The following PIK3CD variants were observed in gnomAD, a reference collection of about 807,000 sequenced individuals.
PIK3CD encodes phosphatidylinositol 4,5-bisphosphate 3-kinase catalytic subunit delta isoform.
A neutral mutation model predicts 122.9 loss-of-function variants in PIK3CD; 20 were observed. That is an observed-to-expected ratio of 0.16 (90% CI 0.11 to 0.24). The LOEUF is 0.24. PIK3CD is among the 10% of genes least tolerant of loss of function. The pLI, the probability that PIK3CD is intolerant of heterozygous loss-of-function variation, is 1.00. For missense variants in PIK3CD, 787 were observed against 1,406.3 expected (o/e 0.56, Z 7.04); for synonymous variants, 596 against 593.4 (o/e 1.00, Z -0.06).
At chr1:9,647,066 G>A (rs1416556725), upstream of PIK3CD, among the ~76,000 whole-genome samples, 2 of 151,806 alleles carry the variant, frequency 1.3e-5, no homozygotes, top group Middle Eastern at 3.4e-3. Flanking sequence ...AGCCGAGATC[G>A]TGTCATTGCA....
At chr1:9,660,001 C>T (rs12048752) in intron 1 of PIK3CD, among the ~76,000 whole-genome samples, 5,781 of 152,274 alleles carry the variant, frequency 0.038, 247 homozygotes, top group East Asian at 0.094. Flanking sequence ...CCACAACCTC[C>T]GCCTCCCAGG....
At chr1:9,701,648 G>T (rs529467367) in intron 2 of PIK3CD, among the ~76,000 whole-genome samples, 4 of 135,546 alleles carry the variant, frequency 3.0e-5, no homozygotes, top group Non-Finnish European at 6.1e-5. Context: ...CAGCCTGGGC[G>T]ACAGAGCAAG....
At chr1:9,640,587 G>GA in the PIK3CD span, among the ~76,000 whole-genome samples, 2,812 of 141,684 alleles carry the variant, frequency 0.02, 76 homozygotes, top group South Asian at 0.083. Context: ...CTCAAAAAAA[G>GA]AAAAAAAAAA....
At chr1:9,650,519 G>C (rs1346482262), upstream of PIK3CD, among the ~76,000 whole-genome samples, 2 of 152,160 alleles carry the variant, frequency 1.3e-5, no homozygotes, top group African/African-American at 4.8e-5. Context: ...AGCTACTTGG[G>C]AGGCTGAGGT....
At chr1:9,699,188 C>T (rs6681133) in intron 2 of PIK3CD, among the ~76,000 whole-genome samples, 4,435 of 152,022 alleles carry the variant, frequency 0.029, 208 homozygotes, top group African/African-American at 0.099. Flanking sequence ...CCAGCCAGGG[C>T]GATAGAATGA....
At chr1:9,708,356 A>G (rs1646923510) in intron 2 of PIK3CD, among the ~76,000 whole-genome samples, 1 of 151,536 alleles carries the variant, frequency 6.6e-6, no homozygotes, top group Non-Finnish European at 1.5e-5. Flanking sequence ...TAATTTTTGT[A>G]TTTTTAGTGG....
chr1:9,673,025 T>C (rs963316050), intron 1 of PIK3CD, among the ~76,000 whole-genome samples: 2 of 152,086 alleles, frequency 1.3e-5, no homozygotes, highest in Non-Finnish European at 2.9e-5. Context: ...CAAGGGCTTA[T>C]GTTTGAGTAG....
intron 15 of PIK3CD, 45 bp from the exon 16 acceptor site, chr1:9,721,716 G>A: frequency 1.2e-6 from 2 of 1,606,922 alleles, no homozygotes; most frequent in Non-Finnish European, 1.7e-6. Context: ...GGGAGGGGCT[G>A]CGTGGTGCTG....
At chr1:9,632,398 C>T in the PIK3CD span, among the ~76,000 whole-genome samples, 1 of 152,048 alleles carries the variant, frequency 6.6e-6, no homozygotes, top group South Asian at 2.1e-4. Context: ...AAGGATAATG[C>T]ACTACAGCCT....
In PIK3CD at chr1:9,691,564, C is replaced by T; in HGVS notation, c.-40C>T. 1 of 398,394 alleles carries T rather than the reference C, an allele frequency of 2.5e-6. No homozygotes were observed. Among genetic ancestry groups the T allele is most frequent in the Non-Finnish European group, 4.4e-6 (1 of 226,066 alleles). 24.7% of individuals were successfully genotyped at this position (398,394 alleles called of 1,614,324 possible). ...CTTTGCTGGTCTTTCTTGGACTATT[C>T]CAGAGAGGTAGGTTGGGGGAACGGG... On this transcript the variant is annotated 5_prime_UTR_variant, in exon 2 of 24. Coordinates refer to ENST00000377346, the MANE Select transcript of PIK3CD (RefSeq NM_005026.5).
At chr1:9,711,505 C>A (rs966615440) in intron 3 of PIK3CD, among the ~76,000 whole-genome samples, 3 of 152,104 alleles carry the variant, frequency 2.0e-5, no homozygotes, top group Admixed American at 6.6e-5. Flanking sequence ...CTCAGTTATC[C>A]AATTATTCAT....
At chr1:9,675,048 GAA>G (rs1645470484) in intron 1 of PIK3CD, among the ~76,000 whole-genome samples, 1 of 146,808 alleles carries the variant, frequency 6.8e-6, no homozygotes, top group African/African-American at 2.5e-5. Context: ...GAGAGAGAGA[GAA>G]AGAAAGAAAG....
At chr1:9,721,906 G>C (rs559023100) in intron 16 of PIK3CD, 46 bp downstream of exon 16, 2 of 1,611,954 alleles carry the variant, frequency 1.2e-6, no homozygotes, top group Non-Finnish European at 1.7e-6. Flanking sequence ...GGCCCTGAGC[G>C]TCTGGGAATC....
intron 1 of PIK3CD, among the ~76,000 whole-genome samples, chr1:9,671,426 C>T (rs930539463): frequency 3.3e-5 from 5 of 152,138 alleles, no homozygotes; most frequent in African/African-American, 1.2e-4. Context: ...AACTCCTGAG[C>T]ACAAATGATC....
the PIK3CD span, among the ~76,000 whole-genome samples, chr1:9,631,571 G>A: frequency 4.6e-5 from 7 of 152,178 alleles, no homozygotes; most frequent in African/African-American, 1.4e-4. Context: ...CAGGAGAATC[G>A]TTTGAACCCT....
chr1:9,722,853 C>T lies in PIK3CD; in HGVS notation c.2426+247C>T, dbSNP rs550751527. Among the ~76,000 whole-genome samples the T allele has an allele frequency of 1.3e-5, 2 of 152,252 alleles. No individual in the cohort carries two copies. Among genetic ancestry groups the T allele is most frequent in the East Asian group, 3.9e-4 (2 of 5,170 alleles). The stretch of plus-strand genomic sequence containing the variant: ...TAGTTGCCCAGGTGCCCCTGGCTTC[C>T]CCAGCCCATCTTGGGAAGCAGTGGC... On this transcript the variant is annotated intron_variant, in intron 19 of 23. Coordinates refer to ENST00000377346, the MANE Select transcript of PIK3CD (RefSeq NM_005026.5). The surrounding 1 kb of genome is among the most constrained non-coding windows in gnomAD (Gnocchi z 7.6).
At chr1:9,716,358 G>T (rs1175588530) in intron 5 of PIK3CD, 82 bp from the exon 6 acceptor site, 3 of 1,368,520 alleles carry the variant, frequency 2.2e-6, no homozygotes, top group Non-Finnish European at 2.1e-6. Context: ...CTACCCTTGG[G>T]GGCAAATAGG....
Position 9,652,212 on chromosome 1 carries a change from C to A in PIK3CD, c.-138+410C>A, listed in dbSNP as rs1273262580. Among the ~76,000 whole-genome samples, 1 of 152,220 alleles carries A rather than the reference C, an allele frequency of 6.6e-6. No individual in the cohort carries two copies. The highest frequency in any genetic ancestry group is 1.5e-5 in the Non-Finnish European group (1 of 68,008). On this transcript the variant is annotated intron_variant, in intron 1 of 23. Transcript: ENST00000377346. The surrounding 1 kb of genome is among the most constrained non-coding windows in gnomAD (Gnocchi z 6.2). ...GAAGCGCTCAGCGCGTGCGCCCGCT[C>A]CGAGCGCTGACTAGAGGACCAGGGG...
intron 1 of PIK3CD, among the ~76,000 whole-genome samples, chr1:9,655,630 A>C (rs1570052737): frequency 2.8e-5 from 4 of 140,786 alleles, no homozygotes; most frequent in African/African-American, 5.3e-5. Flanking sequence ...CAACCTTACC[A>C]CCTCGGATAA....
Sources: gnomAD v4.1 joint callset for allele counts (sites outside exome capture counted in the v4.1 genomes callset) on GRCh38, gnomAD v4.1.1 for gene constraint, Gnocchi (gnomAD v3.1) non-coding constraint, MANE v1.5 for transcripts, NCBI Gene and HGNC (gene_info 2026-07-23, HGNC 2026-07-21) for gene names.